CYP2C18: variants seen among roughly 807,000 people sequenced by gnomAD.
CYP2C18 encodes cytochrome P450 family 2 subfamily C member 18, also known as cytochrome P450 2C18.
A neutral mutation model predicts 41.3 loss-of-function variants in CYP2C18; 38 were observed. The ratio of observed to expected loss-of-function variants is 0.92; its 90% CI spans 0.71 to 1.21. The LOEUF is 1.21. CYP2C18 is among the 50% of genes most tolerant of loss of function. The probability of loss-of-function intolerance (pLI) is 0.00; values close to 1 mark genes in which losing one functional copy is unlikely to be tolerated. For missense variants in CYP2C18, 635 were observed against 591.4 expected (o/e 1.07, Z -0.77); for synonymous variants, 236 against 210.0 (o/e 1.12, Z -1.07).
In CYP2C18 at chr10:94,706,794, A is replaced by G; in HGVS notation, c.653A>G (p.Asn218Ser). The G allele has an allele frequency of 1.3e-6, 2 of 1,570,492 alleles. No individual in the cohort carries two copies. Among genetic ancestry groups the G allele is most frequent in the East Asian group, 4.5e-5 (2 of 44,392 alleles). ...TTAAAAATCTTTAAGGTCTGCAATA[A>G]TTTCCCTGCTCTCATCGATTATCTC... ...LSSPWIQVCN[N>S]FPALIDYLPG... The change falls in exon 5 of 9, where the codon AAT (asparagine) becomes AGT (serine). Residue 218 changes from asparagine to serine, a missense_variant. Asn to Ser is a conservative substitution (Grantham distance 46). Coordinates refer to ENST00000285979, the MANE Select transcript of CYP2C18 (RefSeq NM_000772.3).
At position 94,700,408 on chromosome 10, in the gene CYP2C18, T is replaced by G. The variant is rs889217605; in HGVS notation, c.642+5331T>G. On this transcript the variant is annotated intron_variant, in intron 4 of 8. Coordinates refer to ENST00000285979, the MANE Select transcript of CYP2C18 (RefSeq NM_000772.3). ...TTCCCTATTTAATAAATGGTGCTGG[T>G]AAAACTGGCTAGCCATATGTAGAAA... Among the ~76,000 whole-genome samples the G allele has an allele frequency of 1.1e-4, 17 of 152,228 alleles. No individual in the cohort carries two copies. In the East Asian group the frequency reaches 1.2e-3, roughly 10 times the overall value.
intron 5 of CYP2C18, 85 bp from the exon 6 acceptor site, chr10:94,720,311 A>C: frequency 8.1e-7 from 1 of 1,230,638 alleles, no homozygotes; most frequent in East Asian, 2.5e-5. Context: ...CCTTATCTTT[A>C]GAACAACCTG....
At position 94,683,795 on chromosome 10, in the gene CYP2C18, G is replaced by T. The variant is rs1846829501; in HGVS notation, c.-25G>T. On this transcript the variant is annotated 5_prime_UTR_variant, in exon 1 of 9. Coordinates refer to ENST00000285979, the MANE Select transcript of CYP2C18 (RefSeq NM_000772.3). ...AGCCTTGAAGTGAAAGCCCGCAGTT[G>T]TCTTACTAAGAAGAGAAGCCTTCAA... is the stretch of plus-strand genomic sequence containing the variant. The T allele has an allele frequency of 1.3e-6, 2 of 1,551,406 alleles. No individual in the cohort carries two copies. The highest frequency in any genetic ancestry group is 1.7e-6 in the Non-Finnish European group (2 of 1,148,942).
chr10:94,693,373 T>C (rs978646818), intron 3 of CYP2C18, among the ~76,000 whole-genome samples: 1 of 152,182 alleles, frequency 6.6e-6, no homozygotes, highest in African/African-American at 2.4e-5. Context: ...GCTCCTGTTT[T>C]GCCTTCTGCC....
intron 8 of CYP2C18, among the ~76,000 whole-genome samples, chr10:94,734,708 G>T (rs1204908367): frequency 6.6e-6 from 1 of 152,116 alleles, no homozygotes; most frequent in Admixed American, 6.6e-5. Flanking sequence ...TGGAAGGAGT[G>T]ATATAGAACA....
chr10:94,697,460 TA>T (rs1410493866), intron 4 of CYP2C18, among the ~76,000 whole-genome samples: 2 of 152,144 alleles, frequency 1.3e-5, no homozygotes, highest in Admixed American at 6.5e-5. Flanking sequence ...ACGCCTGCCC[TA>T]CAAGAGCTCC....
At chr10:94,723,317 G>T (rs1232377272) in intron 6 of CYP2C18, among the ~76,000 whole-genome samples, 1 of 152,130 alleles carries the variant, frequency 6.6e-6, no homozygotes, top group African/African-American at 2.4e-5. Context: ...GAGGCTGCTG[G>T]ATACCAGGTC....
chr10:94,719,146 CT>C (rs1847605244), intron 5 of CYP2C18, among the ~76,000 whole-genome samples: 1 of 152,090 alleles, frequency 6.6e-6, no homozygotes, highest in Admixed American at 6.6e-5. Context: ...TATTGTGACA[CT>C]GAGAATTGCA....
At chr10:94,720,293 C>T in intron 5 of CYP2C18, 103 bp from the exon 6 acceptor site, 1 of 1,039,814 alleles carries the variant, frequency 9.6e-7, no homozygotes, top group Non-Finnish European at 1.4e-6. Flanking sequence ...TGTACAGTTT[C>T]CAAACTTCCT....
chr10:94,720,254 G>A (rs1343468525), intron 5 of CYP2C18, 142 bp from the exon 6 acceptor site: 2 of 639,520 alleles, frequency 3.1e-6, no homozygotes, highest in South Asian at 2.2e-5. Flanking sequence ...GCCACACCGT[G>A]CAATTGTTGT....
chr10:94,701,445 A>G (rs1847243173), intron 4 of CYP2C18, among the ~76,000 whole-genome samples: 1 of 152,078 alleles, frequency 6.6e-6, no homozygotes, highest in Admixed American at 6.6e-5. Flanking sequence ...CGGGAAGGGG[A>G]ACATCACACA....
intron 1 of CYP2C18, 36 bp downstream of exon 1, chr10:94,684,023 G>GCTCCT (rs1846837266): frequency 6.8e-7 from 1 of 1,480,974 alleles, no homozygotes; most frequent in Non-Finnish European, 9.2e-7. Flanking sequence ...TAATGTACAA[G>GCTCCT]GTGTATTTAA....
At chr10:94,722,023 A>AC (rs2134203580) in intron 6 of CYP2C18, among the ~76,000 whole-genome samples, 1 of 152,304 alleles carries the variant, frequency 6.6e-6, no homozygotes, top group South Asian at 2.1e-4. Context: ...ATAGATACCC[A>AC]GTAGTGGGAT....
intron 4 of CYP2C18, among the ~76,000 whole-genome samples, chr10:94,703,773 C>G (rs1389338285): frequency 6.6e-6 from 1 of 152,118 alleles, no homozygotes; most frequent in East Asian, 1.9e-4. Flanking sequence ...TCAGGTGCCA[C>G]TGGGGTATGA....
intron 4 of CYP2C18, among the ~76,000 whole-genome samples, chr10:94,701,944 A>G (rs1175331397): frequency 6.6e-6 from 1 of 152,198 alleles, no homozygotes; most frequent in Non-Finnish European, 1.5e-5. Flanking sequence ...ATTTGGATTA[A>G]TCTTTCTGTA....
In CYP2C18 at chr10:94,686,006, G is replaced by A. The variant is rs529621176; in HGVS notation, c.169-1764G>A. ...TAATATGGACATTTTTCCACTATTA[G>A]TTTTTCCAATCCATGAACATGGGAT... On this transcript the variant is annotated intron_variant, in intron 1 of 8. Transcript: ENST00000285979. Among the ~76,000 whole-genome samples the A allele has an allele frequency of 6.6e-5, 10 of 152,088 alleles. No individual in the cohort carries two copies. The South Asian group carries it at 2.1e-3, about 32-fold the overall frequency.
At chr10:94,688,102 G>C (rs1272242475) in intron 2 of CYP2C18, 23 bp from the exon 3 acceptor site, 1 of 1,613,114 alleles carries the variant, frequency 6.2e-7, no homozygotes, top group Non-Finnish European at 8.5e-7. Flanking sequence ...CTCCCTCGTA[G>C]CTTCTGTTTT....
Position 94,727,484 on chromosome 10 carries a change from A to G in CYP2C18, c.1149+2951A>G, listed in dbSNP as rs1345137295. 2.6e-5 allele frequency among the ~76,000 whole-genome samples: 4 copies of G among 151,890 alleles called. 1 individual carries two copies. The highest frequency in any genetic ancestry group is 3.9e-4 in the East Asian group (2 of 5,176). On this transcript the variant is annotated intron_variant, in intron 7 of 8. Transcript: ENST00000285979. ...AAAAAAATTAGCTGGGTGTAGTGGC[A>G]TGTGCCTGTAGTCCCAGCTACTTGG... is the stretch of plus-strand genomic sequence containing the variant.
intron 4 of CYP2C18, among the ~76,000 whole-genome samples, chr10:94,696,657 A>C (rs564501466): frequency 6.6e-6 from 1 of 152,352 alleles, no homozygotes; most frequent in East Asian, 1.9e-4. Flanking sequence ...TGAGAGAAGA[A>C]GACTTCAGAC....
Sources: allele counts gnomAD v4.1 joint callset (sites outside exome capture counted in the v4.1 genomes callset), GRCh38; gene constraint gnomAD v4.1.1; transcripts MANE v1.5; gene names NCBI Gene and HGNC (gene_info 2026-07-23, HGNC 2026-07-21).